Variants in PDE4D observed in about 807,000 individuals in gnomAD.
PDE4D encodes the protein 3',5'-cyclic-AMP phosphodiesterase 4D.
In PDE4D, 24 loss-of-function variants were observed where a neutral mutation model predicts 87.4. The observed-to-expected ratio is 0.27, with a 90% CI of 0.20 to 0.39. The LOEUF (loss-of-function observed/expected upper bound fraction) is 0.39. Among genes scored for constraint, PDE4D ranks in the 10% least tolerant of loss-of-function variants. The pLI is 1.00. For synonymous variants in PDE4D, 384 were observed against 383.2 expected (o/e 1.00, Z -0.02); for missense variants, 714 against 1,041.0 (o/e 0.69, Z 4.32).
In PDE4D at chr5:60,152,271, T is replaced by C. The variant is rs149704676; in HGVS notation, c.42+33286A>G. ...AATCAAGGTAACATTGGCCTTAAAA[T>C]GAATTTGGAAGTGTTCCCTCTTCTT... is the stretch of plus-strand genomic sequence containing the variant. On this transcript the variant is annotated intron_variant, in intron 2 of 16. Transcript: ENST00000502484. Among the ~76,000 whole-genome samples the C allele has an allele frequency of 5.9e-3, 896 of 152,302 alleles. 12 individuals carry two copies. Among genetic ancestry groups the C allele is most frequent in the African/African-American group, 0.021 (861 of 41,566 alleles).
At chr5:59,856,715 A>C (rs1001977580) in intron 1 of PDE4D, among the ~76,000 whole-genome samples, 4 of 152,212 alleles carry the variant, frequency 2.6e-5, no homozygotes, top group African/African-American at 9.6e-5. Flanking sequence ...GAAGCAATGC[A>C]GAAGCAGACA....
chr5:60,442,063 C>T (rs188329751), intron 1 of PDE4D, among the ~76,000 whole-genome samples: 62 of 152,186 alleles, frequency 4.1e-4, no homozygotes, highest in Non-Finnish European at 6.9e-4. Flanking sequence ...CCAGATACAC[C>T]ATTTGACCCA....
At chr5:59,841,699 A>T (rs1053023333) in intron 1 of PDE4D, among the ~76,000 whole-genome samples, 1 of 152,036 alleles carries the variant, frequency 6.6e-6, no homozygotes, top group Non-Finnish European at 1.5e-5. Flanking sequence ...GACAACAGAG[A>T]AGCCCAAGTT....
rs117675215 is a variant in PDE4D, at chr5:59,627,231, T to A, written c.455+265937A>T. Among the ~76,000 whole-genome samples the A allele has an allele frequency of 5.4e-3, 819 of 152,320 alleles. 5 individuals carry two copies. The highest frequency in any genetic ancestry group is 0.018 in the Admixed American group (278 of 15,296). On this transcript the variant is annotated intron_variant, in intron 1 of 14. Transcript: ENST00000340635. ...TTCCTCAAATTTAACTGGATGGTGA[T>A]AAGTTTGAAGGTGTGAATGGTATTC...
intron 1 of PDE4D, among the ~76,000 whole-genome samples, chr5:60,502,580 G>A (rs1292714946): frequency 1.3e-5 from 2 of 152,142 alleles, no homozygotes; most frequent in Non-Finnish European, 2.9e-5. Flanking sequence ...GACCAGAGCT[G>A]TTCCTATTCG....
chr5:59,255,055 C>T (rs1024849855), intron 1 of PDE4D, among the ~76,000 whole-genome samples: 1 of 152,074 alleles, frequency 6.6e-6, no homozygotes, highest in African/African-American at 2.4e-5. Flanking sequence ...AATTCCACTA[C>T]TAGGAATATA....
At chr5:59,632,961 C>A (rs1300528477) in intron 1 of PDE4D, among the ~76,000 whole-genome samples, 1 of 152,048 alleles carries the variant, frequency 6.6e-6, no homozygotes, top group Non-Finnish European at 1.5e-5. Flanking sequence ...TATGTTCTAA[C>A]CTAATGCAAG....
At chr5:59,473,551 G>A (rs1802812675) in intron 1 of PDE4D, among the ~76,000 whole-genome samples, 1 of 152,018 alleles carries the variant, frequency 6.6e-6, no homozygotes, top group Non-Finnish European at 1.5e-5. Flanking sequence ...TCAAGGAGGA[G>A]AATTTCTTGT....
intron 1 of PDE4D, among the ~76,000 whole-genome samples, chr5:59,755,259 A>C (rs1304944901): frequency 1.3e-5 from 2 of 152,140 alleles, no homozygotes; most frequent in Admixed American, 6.6e-5. Flanking sequence ...AGTCTTTGGA[A>C]GGTCATGGTT....
intron 1 of PDE4D, among the ~76,000 whole-genome samples, chr5:60,428,028 AT>A (rs1457730333): frequency 3.3e-5 from 5 of 152,222 alleles, no homozygotes; most frequent in African/African-American, 4.8e-5. Context: ...GTAAGCCATG[AT>A]TGTGCCATTG....
At chr5:59,234,267 T>C (rs540929740) in intron 1 of PDE4D, among the ~76,000 whole-genome samples, 5 of 152,204 alleles carry the variant, frequency 3.3e-5, no homozygotes, top group Admixed American at 6.5e-5. Context: ...TTCAATTATG[T>C]GTATTTTGTC....
At chr5:59,664,924 A>G (rs1745821048) in intron 1 of PDE4D, among the ~76,000 whole-genome samples, 1 of 152,186 alleles carries the variant, frequency 6.6e-6, no homozygotes, top group Admixed American at 6.5e-5. Flanking sequence ...AATGCCATCT[A>G]TCTCCAAAAA....
chr5:60,152,634 C>G (rs796518757), intron 2 of PDE4D, among the ~76,000 whole-genome samples: 83 of 139,104 alleles, frequency 6.0e-4, no homozygotes, highest in African/African-American at 2.2e-3. Context: ...GCCTGGGTGA[C>G]AGAGCAAGAC....
chr5:59,882,045 C>T (rs1749503604), intron 1 of PDE4D, among the ~76,000 whole-genome samples: 1 of 152,200 alleles, frequency 6.6e-6, no homozygotes, highest in Non-Finnish European at 1.5e-5. Flanking sequence ...CTGTTTCTCA[C>T]AAACTGTGGG....
At chr5:60,301,920 A>G (rs1753935756) in intron 1 of PDE4D, among the ~76,000 whole-genome samples, 1 of 152,138 alleles carries the variant, frequency 6.6e-6, no homozygotes, top group Non-Finnish European at 1.5e-5. Flanking sequence ...TTCTGCATCT[A>G]TTGAGATAAT....
At chr5:59,223,912 G>C (rs925629094) in intron 1 of PDE4D, among the ~76,000 whole-genome samples, 1 of 151,872 alleles carries the variant, frequency 6.6e-6, no homozygotes, top group African/African-American at 2.4e-5. Flanking sequence ...ATGTTAGCTT[G>C]TATAATATAT....
At chr5:59,406,989 G>A (rs1791785956) in intron 1 of PDE4D, among the ~76,000 whole-genome samples, 1 of 152,020 alleles carries the variant, frequency 6.6e-6, no homozygotes, top group Non-Finnish European at 1.5e-5. Flanking sequence ...TATTCAACAG[G>A]GAGACACTAA....
intron 1 of PDE4D, among the ~76,000 whole-genome samples, chr5:60,455,200 C>T (rs146212369): frequency 6.6e-6 from 1 of 152,222 alleles, no homozygotes; most frequent in East Asian, 1.9e-4. Context: ...AAGCAAAATA[C>T]TTGGATATTG....
chr5:59,078,946 ATCTG>A (rs1288429822), intron 5 of PDE4D, among the ~76,000 whole-genome samples: 4 of 152,086 alleles, frequency 2.6e-5, no homozygotes, highest in Non-Finnish European at 4.4e-5. Flanking sequence ...CTCTCTCCCA[ATCTG>A]TCTATCTCTC....
Sources: gnomAD v4.1 joint callset for allele counts (sites outside exome capture counted in the v4.1 genomes callset) on GRCh38, gnomAD v4.1.1 for gene constraint, MANE v1.5 for transcripts, NCBI Gene and HGNC (gene_info 2026-07-23, HGNC 2026-07-21) for gene names.